Variants in OR51B5 observed in about 807,000 individuals in gnomAD.
The protein encoded by OR51B5 is olfactory receptor family 51 subfamily B member 5.
For missense variants in OR51B5, 456 were observed against 374.6 expected, an observed-to-expected ratio of 1.22 and a Z score of -1.79; for synonymous variants, 186 against 144.8, an observed-to-expected ratio of 1.28 and a Z score of -2.04.
intron 1 of OR51B5, chr11:5,430,594 A>G (rs2133767909): frequency 5.0e-6 from 2 of 401,486 alleles, no homozygotes; most frequent in Admixed American, 2.7e-5. Flanking sequence ...CTTTGCCCAT[A>G]GCAGAAACAT....
At chr11:5,399,831 G>T (rs566567421) in intron 1 of OR51B5, among the ~76,000 whole-genome samples, 1 of 152,028 alleles carries the variant, frequency 6.6e-6, no homozygotes, top group Non-Finnish European at 1.5e-5. Context: ...GACAGGCAGA[G>T]AAGGCAGAGG....
chr11:5,495,540 TTTTATGCAAGC>T (rs1265402068), intron 1 of OR51B5, among the ~76,000 whole-genome samples: 1 of 152,204 alleles, frequency 6.6e-6, no homozygotes, highest in African/African-American at 2.4e-5. Context: ...TAGACTCATG[TTTTATGCAAGC>T]TTTATGGTAA....
chr11:5,380,045 A>T (rs541018884), intron 1 of OR51B5, among the ~76,000 whole-genome samples: 2 of 152,332 alleles, frequency 1.3e-5, no homozygotes, highest in Admixed American at 1.3e-4. Context: ...AAATCAAAAT[A>T]TGCAAAATAC....
chr11:5,377,844 T>C (rs6578621), intron 1 of OR51B5, among the ~76,000 whole-genome samples: 57,882 of 151,702 alleles, frequency 0.38, 11,304 homozygotes, highest in Non-Finnish European at 0.41. Flanking sequence ...ATTCCATGCT[T>C]ATGGGTAGGA....
At chr11:5,443,542 A>AT (rs1785665122) in intron 1 of OR51B5, among the ~76,000 whole-genome samples, 1 of 150,446 alleles carries the variant, frequency 6.6e-6, no homozygotes, top group Non-Finnish European at 1.5e-5. Context: ...TTGCTGCAAG[A>AT]TTTTCTCTGA....
chr11:5,441,259 T>A, intron 1 of OR51B5: 1 of 1,613,842 alleles, frequency 6.2e-7, no homozygotes, highest in Non-Finnish European at 8.5e-7. Context: ...AAGCAGAAAG[T>A]AGAAATCACA....
intron 1 of OR51B5, chr11:5,391,245 G>A (rs1234817711): frequency 6.6e-6 from 1 of 152,194 alleles, no homozygotes; most frequent in African/African-American, 2.4e-5. Context: ...AATCCTTGCA[G>A]GGGTCTCAGC....
At position 5,360,305 on chromosome 11, in the gene OR51B5, AC is replaced by A. The variant is rs1391730104; in HGVS notation, n.85-13396del. Among the ~76,000 whole-genome samples the A allele has an allele frequency of 8.5e-5, 13 of 152,244 alleles. No individual in the cohort carries two copies. In the East Asian group the frequency reaches 1.5e-3, roughly 18 times the overall value. On this transcript the variant is annotated intron_variant and non_coding_transcript_variant, in intron 1 of 4. Coordinates refer to the OR51B5 transcript ENST00000415970. ...ACTCAAACAAATTTACAAGAAAAAA[AC>A]AACCCCATCAAAAAGTGGGCAAAGG...
intron 1 of OR51B5, among the ~76,000 whole-genome samples, chr11:5,428,133 A>G (rs981623925): frequency 9.9e-5 from 15 of 151,808 alleles, no homozygotes; most frequent in Admixed American, 8.5e-4. Flanking sequence ...TACTCTATAT[A>G]TATCCCAAAA....
intron 1 of OR51B5, among the ~76,000 whole-genome samples, chr11:5,439,342 T>C (rs1317573591): frequency 2.6e-5 from 4 of 152,158 alleles, no homozygotes; most frequent in Non-Finnish European, 2.9e-5. Context: ...AGGTTATAAA[T>C]CTACTCTACT....
intron 1 of OR51B5, among the ~76,000 whole-genome samples, chr11:5,369,888 C>T (rs748639128): frequency 6.6e-5 from 10 of 152,072 alleles, no homozygotes; most frequent in African/African-American, 2.4e-4. Flanking sequence ...AAAGTGATGA[C>T]CTCATTGGTT....
At chr11:5,452,591 CGAGATATG>C (rs1850873476) in intron 1 of OR51B5, among the ~76,000 whole-genome samples, 1 of 141,560 alleles carries the variant, frequency 7.1e-6, no homozygotes, top group South Asian at 2.3e-4. Flanking sequence ...AGCGACTTTA[CGAGATATG>C]GAGATATGGA....
chr11:5,347,759 AAGGAAGGAGGT>A (rs1359403121), upstream of OR51B5, among the ~76,000 whole-genome samples: 2 of 152,046 alleles, frequency 1.3e-5, no homozygotes, highest in African/African-American at 2.4e-5. Flanking sequence ...AAAAAGATGG[AAGGAAGGAGGT>A]AGGGAGAGAG....
At chr11:5,484,820 TAAAC>T (rs1210598894) in intron 1 of OR51B5, among the ~76,000 whole-genome samples, 1 of 152,216 alleles carries the variant, frequency 6.6e-6, no homozygotes, top group Non-Finnish European at 1.5e-5. Context: ...TCTGGCTAAA[TAAAC>T]AAACATTACA....
At chr11:5,360,657 T>C (rs1024906528) in intron 1 of OR51B5, among the ~76,000 whole-genome samples, 537 of 152,170 alleles carry the variant, frequency 3.5e-3, no homozygotes, top group Middle Eastern at 0.01. Flanking sequence ...ACTCAAAGGA[T>C]TATAAATCAT....
intron 1 of OR51B5, among the ~76,000 whole-genome samples, chr11:5,404,145 C>T (rs1259120455): frequency 4.4e-5 from 1 of 22,610 alleles, no homozygotes; most frequent in Non-Finnish European, 9.0e-5. Context: ...GCTTCTGGGT[C>T]GGGGGCGGGG....
chr11:5,345,546 G>A (rs543864845), upstream of OR51B5, among the ~76,000 whole-genome samples: 1 of 152,044 alleles, frequency 6.6e-6, no homozygotes, highest in Non-Finnish European at 1.5e-5. Flanking sequence ...AGTCTGAGGG[G>A]GATACATATT....
intron 1 of OR51B5, among the ~76,000 whole-genome samples, chr11:5,400,166 C>T (rs1333770133): frequency 1.3e-5 from 2 of 152,090 alleles, no homozygotes; most frequent in Non-Finnish European, 2.9e-5. Flanking sequence ...ATTTCCCTGC[C>T]CTACATTTTA....
At chr11:5,498,594 G>C (rs1367623915) in intron 1 of OR51B5, among the ~76,000 whole-genome samples, 1 of 152,130 alleles carries the variant, frequency 6.6e-6, no homozygotes. Flanking sequence ...ATTAGTTTCA[G>C]TATGTCTCCT....
Sources: gnomAD v4.1 joint callset for allele counts (sites outside exome capture counted in the v4.1 genomes callset) on GRCh38, gnomAD v4.1.1 for gene constraint, MANE v1.5 for transcripts, NCBI Gene and HGNC (gene_info 2026-07-23, HGNC 2026-07-21) for gene names.